The following YAP1 variants were observed in gnomAD, a reference collection of about 807,000 sequenced individuals.
YAP1 encodes Yes1 associated transcriptional regulator.
In YAP1, 5 loss-of-function variants were observed where a neutral mutation model predicts 56.9. That is an observed-to-expected ratio of 0.09 (90% CI 0.05 to 0.18). The LOEUF (loss-of-function observed/expected upper bound fraction) is 0.18, where lower values mean the gene tolerates loss of function less well. YAP1 is among the 10% of genes least tolerant of loss of function. The pLI is 1.00. For missense variants in YAP1, 539 were observed against 651.8 expected (o/e 0.83, Z 1.88); for synonymous variants, 265 against 248.1 (o/e 1.07, Z -0.64).
chr11:102,186,522 C>T (rs2135510917), intron 4 of YAP1: 1 of 250,328 alleles, frequency 4.0e-6, no homozygotes, highest in Middle Eastern at 1.4e-3. Flanking sequence ...CTGATGTCTG[C>T]TTGTGCTTAG....
chr11:102,144,915 C>T, intron 2 of YAP1, among the ~76,000 whole-genome samples: 1 of 152,010 alleles, frequency 6.6e-6, no homozygotes, highest in East Asian at 1.9e-4. Context: ...TGCTCACACA[C>T]ACTTATTCTG....
chr11:102,170,027 T>C (rs1452340695), intron 3 of YAP1, among the ~76,000 whole-genome samples: 1 of 152,266 alleles, frequency 6.6e-6, no homozygotes, highest in South Asian at 2.1e-4. Flanking sequence ...TACTCTAGTA[T>C]GGGAGTTCTT....
At chr11:102,170,238 T>C (rs887773796) in intron 3 of YAP1, among the ~76,000 whole-genome samples, 1 of 152,354 alleles carries the variant, frequency 6.6e-6, no homozygotes, top group Middle Eastern at 3.4e-3. Flanking sequence ...TTTTACAGTA[T>C]TAATTTCTTC....
chr11:102,125,892 G>A (rs1262547920), intron 2 of YAP1, among the ~76,000 whole-genome samples: 1 of 151,984 alleles, frequency 6.6e-6, no homozygotes, highest in African/African-American at 2.4e-5. Flanking sequence ...GAAGTTGCAG[G>A]GACCCCTGAA....
intron 6 of YAP1, among the ~76,000 whole-genome samples, chr11:102,209,800 G>A (rs1159042607): frequency 6.6e-6 from 1 of 152,030 alleles, no homozygotes; most frequent in South Asian, 2.1e-4. Context: ...TTCCATGGAG[G>A]TCTTTTTTAT....
intron 3 of YAP1, among the ~76,000 whole-genome samples, chr11:102,168,129 TGAGA>T (rs1219334298): frequency 6.6e-6 from 1 of 152,190 alleles, no homozygotes; most frequent in African/African-American, 2.4e-5. Flanking sequence ...CTCCCCATAT[TGAGA>T]GTTAGGTAAA....
intron 6 of YAP1, among the ~76,000 whole-genome samples, chr11:102,210,809 G>A (rs1403481884): frequency 6.6e-6 from 1 of 152,196 alleles, no homozygotes; most frequent in Non-Finnish European, 1.5e-5. Context: ...CTGGAGTGCA[G>A]TGGTGTGATC....
chr11:102,115,852 C>A (rs1415577584), intron 2 of YAP1, among the ~76,000 whole-genome samples: 1 of 152,226 alleles, frequency 6.6e-6, no homozygotes, highest in Non-Finnish European at 1.5e-5. Flanking sequence ...AAAAGAAAGG[C>A]TGCACTTTTT....
intron 4 of YAP1, among the ~76,000 whole-genome samples, chr11:102,187,751 T>C (rs903417280): frequency 3.3e-5 from 5 of 152,186 alleles, no homozygotes; most frequent in African/African-American, 1.2e-4. Context: ...AGACTATTGA[T>C]TACACACACA....
intron 6 of YAP1, among the ~76,000 whole-genome samples, chr11:102,215,252 A>G (rs1192108331): frequency 1.3e-5 from 2 of 152,188 alleles, no homozygotes; most frequent in Non-Finnish European, 2.9e-5. Context: ...CAAGACATAT[A>G]TTTTTAGAGT....
chr11:102,122,436 A>G (rs201153876), intron 2 of YAP1, among the ~76,000 whole-genome samples: 1 of 149,388 alleles, frequency 6.7e-6, no homozygotes, highest in Admixed American at 6.7e-5. Flanking sequence ...AAAAAAAAAA[A>G]GAAGGAAAGA....
chr11:102,168,817 AATG>A (rs1477942032), intron 3 of YAP1, among the ~76,000 whole-genome samples: 1 of 152,190 alleles, frequency 6.6e-6, no homozygotes, highest in African/African-American at 2.4e-5. Context: ...TACCAAGAAA[AATG>A]AGAGAGCTAG....
At chr11:102,180,982 A>G (rs1947577689) in intron 3 of YAP1, among the ~76,000 whole-genome samples, 1 of 151,912 alleles carries the variant, frequency 6.6e-6, no homozygotes, top group African/African-American at 2.4e-5. Flanking sequence ...CCCCATCTCT[A>G]CAGAAAAATT....
chr11:102,116,874 A>G (rs1461319300), intron 2 of YAP1, among the ~76,000 whole-genome samples: 2 of 152,198 alleles, frequency 1.3e-5, no homozygotes. Context: ...AGGTAAAATC[A>G]TGGTTACTTG....
chr11:102,165,015 G>T (rs1327974469), intron 3 of YAP1, among the ~76,000 whole-genome samples: 6 of 152,142 alleles, frequency 3.9e-5, no homozygotes, highest in African/African-American at 1.4e-4. Flanking sequence ...GAGCCACCAT[G>T]TCCAGCCGGT....
At chr11:102,143,205 G>A (rs1177235115) in intron 2 of YAP1, among the ~76,000 whole-genome samples, 1 of 152,064 alleles carries the variant, frequency 6.6e-6, no homozygotes, top group Non-Finnish European at 1.5e-5. Flanking sequence ...ACTATATTGC[G>A]TTTTCTGTAG....
intron 2 of YAP1, among the ~76,000 whole-genome samples, chr11:102,148,023 T>C (rs1477875669): frequency 2.6e-5 from 4 of 152,198 alleles, no homozygotes; most frequent in African/African-American, 9.6e-5. Flanking sequence ...AAAGCATCTT[T>C]GAATTTTCTA....
Position 102,167,726 on chromosome 11 carries a change from C to G in YAP1, c.688+5155C>G, listed in dbSNP as rs1208185207. 2.0e-5 allele frequency among the ~76,000 whole-genome samples: 3 copies of G among 151,944 alleles called. No individual in the cohort carries two copies. The East Asian group carries it at 5.8e-4, about 29-fold the overall frequency. Reference sequence around the variant, plus strand: ...TCCAGCCTGGTGACAGAGCAAGACTCCATCTCAAAAAAAAAGTCATAATTT... The same window carrying G: ...TCCAGCCTGGTGACAGAGCAAGACTGCATCTCAAAAAAAAAGTCATAATTT... On this transcript the variant is annotated intron_variant, in intron 3 of 8. Coordinates refer to ENST00000282441, the MANE Select transcript of YAP1 (RefSeq NM_001130145.3).
At chr11:102,133,236 C>G (rs115304266) in intron 2 of YAP1, among the ~76,000 whole-genome samples, 1 of 152,096 alleles carries the variant, frequency 6.6e-6, no homozygotes. Context: ...TTTTTAAACT[C>G]GACAATTCTT....
Sources: gnomAD v4.1 joint callset for allele counts (sites outside exome capture counted in the v4.1 genomes callset) on GRCh38, gnomAD v4.1.1 for gene constraint, MANE v1.5 for transcripts, NCBI Gene and HGNC (gene_info 2026-07-23, HGNC 2026-07-21) for gene names.